The following ACOXL variants were observed in gnomAD, a reference collection of about 807,000 sequenced individuals.
The protein encoded by ACOXL is acyl-coenzyme A oxidase-like protein.
A neutral mutation model predicts 71.9 loss-of-function variants in ACOXL; 70 were observed. That is an observed-to-expected ratio of 0.97 (90% CI 0.80 to 1.19). ACOXL has a LOEUF of 1.19. ACOXL is among the 50% of genes most tolerant of loss of function. The pLI is 0.00. For synonymous variants in ACOXL, 253 were observed against 281.6 expected (o/e 0.90, Z 1.02); for missense variants, 703 against 736.3 (o/e 0.95, Z 0.52).
intron 10 of ACOXL, among the ~76,000 whole-genome samples, chr2:110,864,601 G>A (rs574153947): frequency 2.0e-5 from 3 of 152,308 alleles, no homozygotes; most frequent in South Asian, 2.1e-4. Flanking sequence ...TTCTTGCATG[G>A]CGATAGCCTT....
chr2:110,871,943 C>G (rs1300537116), intron 10 of ACOXL, among the ~76,000 whole-genome samples: 1 of 152,256 alleles, frequency 6.6e-6, no homozygotes, highest in Admixed American at 6.5e-5. Context: ...TAATCCACCT[C>G]TGCGTAACAA....
intron 12 of ACOXL, among the ~76,000 whole-genome samples, chr2:110,938,608 G>A (rs1012959458): frequency 6.6e-6 from 1 of 152,236 alleles, no homozygotes; most frequent in South Asian, 2.1e-4. Context: ...GAATATTCAG[G>A]AGATAGCTGT....
At chr2:110,941,164 A>T (rs2060854125) in intron 12 of ACOXL, among the ~76,000 whole-genome samples, 1 of 152,170 alleles carries the variant, frequency 6.6e-6, no homozygotes, top group African/African-American at 2.4e-5. Context: ...ATTGCTAAGT[A>T]TTGCTAAATT....
chr2:110,829,849 G>A (rs868230713), intron 9 of ACOXL, among the ~76,000 whole-genome samples: 9 of 152,186 alleles, frequency 5.9e-5, no homozygotes, highest in East Asian at 1.9e-4. Flanking sequence ...TGGAGCCATC[G>A]TGAGCCTGTG....
intron 2 of ACOXL, among the ~76,000 whole-genome samples, chr2:110,781,857 A>G (rs1183462880): frequency 6.6e-6 from 1 of 152,104 alleles, no homozygotes; most frequent in Non-Finnish European, 1.5e-5. Flanking sequence ...GTTGAGGAGT[A>G]TATATGTCTT....
chr2:110,789,052 C>G (rs1465959684), intron 3 of ACOXL, among the ~76,000 whole-genome samples: 1 of 152,234 alleles, frequency 6.6e-6, no homozygotes, highest in Non-Finnish European at 1.5e-5. Context: ...CTCTCCAGGT[C>G]TGTTTATCCA....
intron 12 of ACOXL, among the ~76,000 whole-genome samples, chr2:110,938,911 A>G (rs964941741): frequency 1.3e-5 from 2 of 152,074 alleles, no homozygotes; most frequent in Non-Finnish European, 2.9e-5. Context: ...TTGCCTACAG[A>G]CTACTCATAA....
intron 1 of ACOXL, among the ~76,000 whole-genome samples, chr2:110,761,217 T>C (rs995475675): frequency 6.6e-6 from 1 of 152,244 alleles, no homozygotes; most frequent in Non-Finnish European, 1.5e-5. Context: ...ATTACTTTTT[T>C]AAAAACAATT....
At chr2:111,102,319 T>C (rs1041853748) in intron 17 of ACOXL, among the ~76,000 whole-genome samples, 4 of 152,236 alleles carry the variant, frequency 2.6e-5, no homozygotes, top group Non-Finnish European at 5.9e-5. Context: ...CTGCAATCCC[T>C]GTTTCCTCAT....
intron 14 of ACOXL, among the ~76,000 whole-genome samples, chr2:110,996,521 C>A (rs2063404256): frequency 6.6e-6 from 1 of 152,134 alleles, no homozygotes. Context: ...TTTGAGGGAT[C>A]ACTGTCCACC....
At chr2:110,915,450 G>A (rs1390819397) in intron 11 of ACOXL, among the ~76,000 whole-genome samples, 1 of 135,886 alleles carries the variant, frequency 7.4e-6, no homozygotes, top group African/African-American at 2.8e-5. Context: ...TTGAGATGGA[G>A]TCTTGCTGTG....
rs936405098 is a variant in ACOXL, at chr2:111,000,249, A to G, written c.1281+4245A>G. On this transcript the variant is annotated intron_variant, in intron 14 of 17. Coordinates refer to ENST00000439055, the MANE Select transcript of ACOXL (RefSeq NM_001142807.4). ...TACGTAGTGGCATAGCTGTAGCCAC[A>G]CTGTTGCCTGAAGTTATGTGGAAAG... Among the ~76,000 whole-genome samples, 3 of 152,206 alleles carry G rather than the reference A, an allele frequency of 2.0e-5. No homozygotes were observed. The East Asian group carries it at 5.8e-4, about 29-fold the overall frequency.
chr2:110,827,398 T>A (rs532883331), intron 9 of ACOXL, among the ~76,000 whole-genome samples: 34 of 152,248 alleles, frequency 2.2e-4, no homozygotes, highest in African/African-American at 8.2e-4. Flanking sequence ...TGAGCTGGCA[T>A]GTGGCGGGCC....
At chr2:110,927,167 A>C (rs2060303048) in intron 11 of ACOXL, among the ~76,000 whole-genome samples, 1 of 152,142 alleles carries the variant, frequency 6.6e-6, no homozygotes, top group Admixed American at 6.5e-5. Context: ...GAAGTGCCAC[A>C]CACTTTCAAC....
chr2:110,779,831 CAG>C (rs1355765064), intron 2 of ACOXL, among the ~76,000 whole-genome samples: 1 of 152,178 alleles, frequency 6.6e-6, no homozygotes, highest in African/African-American at 2.4e-5. Context: ...GATGCCTAAA[CAG>C]AGACTCAAAA....
chr2:111,031,340 A>G (rs1017533941), intron 14 of ACOXL, among the ~76,000 whole-genome samples: 3 of 152,226 alleles, frequency 2.0e-5, no homozygotes, highest in African/African-American at 7.2e-5. Context: ...GAACAGCCTC[A>G]CTTGATCTGT....
At chr2:110,750,136 A>C (rs1286704232) in intron 1 of ACOXL, among the ~76,000 whole-genome samples, 1 of 152,144 alleles carries the variant, frequency 6.6e-6, no homozygotes, top group African/African-American at 2.4e-5. Context: ...TCTGGAAACT[A>C]GTCATTCAAT....
chr2:110,748,720 A>G (rs1678551280), intron 1 of ACOXL, among the ~76,000 whole-genome samples: 1 of 152,180 alleles, frequency 6.6e-6, no homozygotes, highest in African/African-American at 2.4e-5. Context: ...CTGTGGGTGC[A>G]GCTGCGGTGT....
At chr2:111,093,071 T>G (rs1185608606) in intron 17 of ACOXL, 105 bp downstream of exon 17, 16 of 858,796 alleles carry the variant, frequency 1.9e-5, no homozygotes, top group Non-Finnish European at 2.6e-5. Context: ...CACTCATGGA[T>G]TTTTATGCCT....
Sources: gnomAD v4.1 joint callset for allele counts (sites outside exome capture counted in the v4.1 genomes callset) on GRCh38, gnomAD v4.1.1 for gene constraint, MANE v1.5 for transcripts, NCBI Gene and HGNC (gene_info 2026-07-23, HGNC 2026-07-21) for gene names.